Variants in PRKG1 observed in about 807,000 individuals in gnomAD.
PRKG1 encodes the protein protein kinase cGMP-dependent 1.
Under a neutral mutation model 88.1 loss-of-function variants are expected in PRKG1, and 35 were observed. The ratio of observed to expected loss-of-function variants is 0.40; its 90% CI spans 0.30 to 0.53. The LOEUF (loss-of-function observed/expected upper bound fraction) is 0.53, where lower values mean the gene tolerates loss of function less well. Among genes scored for constraint, PRKG1 ranks in the 20% least tolerant of loss-of-function variants. The pLI, the probability that PRKG1 is intolerant of heterozygous loss-of-function variation, is 0.59. For missense variants in PRKG1, 540 were observed against 839.8 expected, an observed-to-expected ratio of 0.64 and a Z score of 4.41; for synonymous variants, 303 against 292.5, an observed-to-expected ratio of 1.04 and a Z score of -0.37.
At chr10:51,459,593 C>T (rs1327264276) in intron 2 of PRKG1, among the ~76,000 whole-genome samples, 2 of 152,126 alleles carry the variant, frequency 1.3e-5, no homozygotes, top group Non-Finnish European at 2.9e-5. Context: ...ATTCAGTTAT[C>T]ATAACCCTAG....
At chr10:51,974,538 A>G (rs1322699047) in intron 5 of PRKG1, among the ~76,000 whole-genome samples, 2 of 152,056 alleles carry the variant, frequency 1.3e-5, no homozygotes, top group Non-Finnish European at 2.9e-5. Context: ...TACTTTAGAC[A>G]CATCAAGAAT....
At chr10:51,690,783 G>A (rs1366632424) in intron 3 of PRKG1, among the ~76,000 whole-genome samples, 2 of 151,646 alleles carry the variant, frequency 1.3e-5, no homozygotes, top group Non-Finnish European at 2.9e-5. Flanking sequence ...AAAATTAGCT[G>A]GGTGTGGTGG....
chr10:52,055,733 C>T (rs532977992), intron 6 of PRKG1, among the ~76,000 whole-genome samples: 15 of 152,134 alleles, frequency 9.9e-5, no homozygotes, highest in East Asian at 7.7e-4. Context: ...GAAGGAAATG[C>T]GAATAGAAAG....
chr10:51,080,411 T>G (rs1844077182), intron 1 of PRKG1, among the ~76,000 whole-genome samples: 1 of 150,812 alleles, frequency 6.6e-6, no homozygotes, highest in African/African-American at 2.5e-5. Context: ...TTGTTGCTGT[T>G]TGCAGGTTAT....
chr10:51,358,570 G>A (rs1842414170), intron 2 of PRKG1, among the ~76,000 whole-genome samples: 1 of 151,890 alleles, frequency 6.6e-6, no homozygotes, highest in African/African-American at 2.4e-5. Flanking sequence ...GGACTAAATA[G>A]TAAACAAGAT....
At chr10:52,254,393 G>T (rs1278070575) in intron 10 of PRKG1, among the ~76,000 whole-genome samples, 3 of 151,978 alleles carry the variant, frequency 2.0e-5, no homozygotes, top group Admixed American at 2.0e-4. Context: ...TTAATACAAA[G>T]TATATAATAC....
At chr10:51,097,791 C>T (rs1332265207) in intron 1 of PRKG1, among the ~76,000 whole-genome samples, 2 of 152,102 alleles carry the variant, frequency 1.3e-5, no homozygotes, top group Admixed American at 6.6e-5. Flanking sequence ...CTGGATGGCC[C>T]GCAGGCAGGA....
intron 5 of PRKG1, among the ~76,000 whole-genome samples, chr10:51,931,671 T>C (rs1842698834): frequency 6.6e-6 from 1 of 152,142 alleles, no homozygotes; most frequent in South Asian, 2.1e-4. Context: ...AAACTCTCAG[T>C]TGTACTAGGG....
intron 1 of PRKG1, among the ~76,000 whole-genome samples, chr10:51,005,951 T>C (rs553496209): frequency 1.1e-4 from 17 of 152,308 alleles, no homozygotes; most frequent in Non-Finnish European, 1.5e-4. Context: ...GAGTTGCAGA[T>C]GTAGAGATAT....
At chr10:52,100,105 T>C (rs2132564353) in intron 7 of PRKG1, among the ~76,000 whole-genome samples, 1 of 152,224 alleles carries the variant, frequency 6.6e-6, no homozygotes, top group Non-Finnish European at 1.5e-5. Context: ...TGGACAGCAA[T>C]GAATTCAGTG....
At chr10:51,644,530 G>A (rs1447489661) in intron 3 of PRKG1, among the ~76,000 whole-genome samples, 1 of 152,034 alleles carries the variant, frequency 6.6e-6, no homozygotes, top group African/African-American at 2.4e-5. Context: ...TTCCAACTTA[G>A]ACCAGTGGGA....
intron 2 of PRKG1, among the ~76,000 whole-genome samples, chr10:51,441,697 C>T (rs74132016): frequency 2.1e-3 from 326 of 152,006 alleles, no homozygotes; most frequent in African/African-American, 7.6e-3. Context: ...AGTTATTGAA[C>T]TTCTAAGAAT....
intron 8 of PRKG1, among the ~76,000 whole-genome samples, chr10:52,146,311 G>C (rs150242604): frequency 1.3e-5 from 2 of 152,038 alleles, no homozygotes; most frequent in Admixed American, 1.3e-4. Flanking sequence ...TGATAATTTC[G>C]TGTCCTTAAA....
chr10:51,335,849 G>A (rs1336358032), intron 2 of PRKG1, among the ~76,000 whole-genome samples: 1 of 152,194 alleles, frequency 6.6e-6, no homozygotes, highest in Non-Finnish European at 1.5e-5. Context: ...TATAAAAGGT[G>A]TGGGTGCAGG....
At chr10:51,919,211 T>C (rs1842409666) in intron 5 of PRKG1, among the ~76,000 whole-genome samples, 1 of 152,160 alleles carries the variant, frequency 6.6e-6, no homozygotes, top group Non-Finnish European at 1.5e-5. Flanking sequence ...TATAAGTCTG[T>C]TTCCTGGTAG....
chr10:51,310,209 A>G (rs757933108), intron 2 of PRKG1, among the ~76,000 whole-genome samples: 42 of 152,210 alleles, frequency 2.8e-4, no homozygotes, highest in Non-Finnish European at 5.0e-4. Flanking sequence ...ATATATCTAT[A>G]TAACAAAATT....
chr10:52,068,342 T>A (rs1846410878), intron 7 of PRKG1, among the ~76,000 whole-genome samples: 1 of 152,136 alleles, frequency 6.6e-6, no homozygotes, highest in South Asian at 2.1e-4. Context: ...TAGACCAAGT[T>A]GTACCCAAAA....
Position 51,633,047 on chromosome 10 carries a change from C to G in PRKG1, c.592+165211C>G, listed in dbSNP as rs145135470. Among the ~76,000 whole-genome samples, 439 of 152,164 alleles carry G rather than the reference C, an allele frequency of 2.9e-3. 1 individual carries two copies. Among genetic ancestry groups the G allele is most frequent in the African/African-American group, 0.01 (425 of 41,506 alleles). ...TTAGTTTTTTATCAATAGATTTGGA[C>G]CACTATGCTTAAAGCTAATCAGCAA... On this transcript the variant is annotated intron_variant, in intron 3 of 17. Transcript: ENST00000373980.
intron 1 of PRKG1, among the ~76,000 whole-genome samples, chr10:50,996,989 A>G (rs546462360): frequency 6.6e-6 from 1 of 152,334 alleles, no homozygotes; most frequent in Non-Finnish European, 1.5e-5. Context: ...ACATCCTTGT[A>G]TCTTGCCAGA....
Sources: allele counts gnomAD v4.1 joint callset (sites outside exome capture counted in the v4.1 genomes callset), GRCh38; gene constraint gnomAD v4.1.1; transcripts MANE v1.5; gene names NCBI Gene and HGNC (gene_info 2026-07-23, HGNC 2026-07-21).